OTUD7A: variants seen among roughly 807,000 people sequenced by gnomAD.
OTUD7A encodes OTU deubiquitinase 7A, also known as OTU domain-containing protein 7A.
Under a neutral mutation model 65.7 loss-of-function variants are expected in OTUD7A, and 12 were observed. The observed-to-expected ratio is 0.18, with a 90% CI of 0.12 to 0.30. The LOEUF (loss-of-function observed/expected upper bound fraction) is 0.30. Ranked by LOEUF, OTUD7A falls within the 10% of genes least tolerant of loss-of-function variation. OTUD7A has a pLI of 1.00. For synonymous variants in OTUD7A, 641 were observed against 586.3 expected (o/e 1.09, Z -1.35); for missense variants, 1,148 against 1,304.8 (o/e 0.88, Z 1.85).
At chr15:31,634,406 C>T (rs1891275021) in intron 3 of OTUD7A, among the ~76,000 whole-genome samples, 1 of 152,212 alleles carries the variant, frequency 6.6e-6, no homozygotes. Flanking sequence ...CGTTTCTCTA[C>T]ACACACTCTT....
chr15:31,696,714 G>C (rs1346190626), intron 1 of OTUD7A, among the ~76,000 whole-genome samples: 1 of 152,112 alleles, frequency 6.6e-6, no homozygotes, highest in Non-Finnish European at 1.5e-5. Context: ...GGGACTCAGA[G>C]GGAGTTAGGG....
At chr15:31,828,796 C>T (rs1166293772) in intron 1 of OTUD7A, among the ~76,000 whole-genome samples, 1 of 152,170 alleles carries the variant, frequency 6.6e-6, no homozygotes, top group Non-Finnish European at 1.5e-5. Context: ...TGTCCCTGTC[C>T]TCTGGGCAGG....
chr15:31,831,907 A>G (rs1319417133), intron 1 of OTUD7A, among the ~76,000 whole-genome samples: 4 of 152,242 alleles, frequency 2.6e-5, no homozygotes, highest in Non-Finnish European at 5.9e-5. Context: ...GTGAAGTTCT[A>G]GAATAGGCAA....
chr15:31,715,713 C>T (rs2141342592), intron 1 of OTUD7A, among the ~76,000 whole-genome samples: 1 of 117,790 alleles, frequency 8.5e-6, no homozygotes, highest in East Asian at 2.6e-4. Flanking sequence ...GCTGCAGCCA[C>T]TCAGTGAAAA....
At chr15:31,583,888 C>T (rs150820319) in intron 3 of OTUD7A, among the ~76,000 whole-genome samples, 1 of 152,162 alleles carries the variant, frequency 6.6e-6, no homozygotes, top group East Asian at 1.9e-4. Context: ...GTTGTGTAAA[C>T]CTCTAGTTCC....
intron 1 of OTUD7A, among the ~76,000 whole-genome samples, chr15:31,836,540 A>G (rs1897058943): frequency 6.6e-6 from 1 of 152,222 alleles, no homozygotes; most frequent in African/African-American, 2.4e-5. Flanking sequence ...GATACCAAAG[A>G]GAGTACAGAA....
chr15:31,738,990 T>TGGGGAA (rs1045346771), intron 1 of OTUD7A, among the ~76,000 whole-genome samples: 10 of 152,182 alleles, frequency 6.6e-5, no homozygotes, highest in Non-Finnish European at 1.2e-4. Context: ...CTGGACCTGC[T>TGGGGAA]GGGGAAGGGG....
At chr15:31,511,073 GTATATC>G (rs1291978746) in intron 8 of OTUD7A, among the ~76,000 whole-genome samples, 2 of 68,908 alleles carry the variant, frequency 2.9e-5, no homozygotes, top group East Asian at 5.0e-4. Context: ...ACATATATAT[GTATATC>G]TATATGTAAC....
Position 31,860,622 on chromosome 15 carries a change from G to GATAAATATACATAT in OTUD7A, c.-100+9884_-100+9885insATATGTATATTTAT, listed in dbSNP as rs59869625. 5.1e-3 allele frequency among the ~76,000 whole-genome samples: 137 copies of GATAAATATACATAT among 26,858 alleles called. 18 individuals are homozygous for GATAAATATACATAT. The East Asian group carries it at 0.06, about 12-fold the overall frequency. 17.6% of individuals were successfully genotyped at this position (26,858 alleles called of 152,430 possible). A position where few individuals can be genotyped will look rare whatever the true frequency, so the allele number is the denominator to read the frequency against. On this transcript the variant is annotated intron_variant, in intron 1 of 12. Transcript: ENST00000307050. ...TATTCTCCTCGACCCCAGAAGTGGA[G>GATAAATATACATAT]ATATATATATATATATATATATGTA...
intron 1 of OTUD7A, chr15:31,767,478 A>T (rs1300147163): frequency 5.7e-5 from 44 of 772,502 alleles, no homozygotes; most frequent in Non-Finnish European, 9.7e-5. Context: ...GGCAGATAAT[A>T]CCCAGTGAGG....
At chr15:31,554,694 C>T (rs1273903737) in intron 5 of OTUD7A, among the ~76,000 whole-genome samples, 1 of 152,192 alleles carries the variant, frequency 6.6e-6, no homozygotes, top group African/African-American at 2.4e-5. Context: ...AAGAACCACA[C>T]CATCTCACCC....
chr15:31,786,479 C>CAGGGTGTGTGCCTGGACAGGGTG (rs1895677536), intron 1 of OTUD7A, among the ~76,000 whole-genome samples: 1 of 152,120 alleles, frequency 6.6e-6, no homozygotes, highest in Non-Finnish European at 1.5e-5. Context: ...GTGTGTGAGA[C>CAGGGTGTGTGCCTGGACAGGGTG]AGGGTGTGTG....
rs190605411 is a variant in OTUD7A at position 31,767,573 on chromosome 15, G to C, written c.-100+102934C>G. 1.2e-5 allele frequency: 10 copies of C among 809,016 alleles called. No homozygotes were observed. In the East Asian group the frequency reaches 2.4e-4, roughly 20 times the overall value. The allele number at this position is 809,016 out of a possible 1,614,324, so 50.1% of individuals were successfully genotyped here. ...TATATATTGGGGAATTACTTGTTTT[G>C]GATTTATGACTTCTTCTAGGGATGG... is the stretch of plus-strand genomic sequence containing the variant. On this transcript the variant is annotated intron_variant, in intron 1 of 12. Transcript: ENST00000307050.
intron 5 of OTUD7A, among the ~76,000 whole-genome samples, chr15:31,546,511 C>A (rs1484480657): frequency 6.6e-6 from 1 of 152,196 alleles, no homozygotes; most frequent in Non-Finnish European, 1.5e-5. Context: ...CACCCCAAGG[C>A]ATGCACTGAA....
At chr15:31,858,739 A>G (rs1567058828) in intron 1 of OTUD7A, among the ~76,000 whole-genome samples, 3 of 152,178 alleles carry the variant, frequency 2.0e-5, no homozygotes, top group Non-Finnish European at 4.4e-5. Flanking sequence ...CAGCCCCACC[A>G]TTCACTGGGC....
At chr15:31,735,799 T>C (rs530051140) in intron 1 of OTUD7A, among the ~76,000 whole-genome samples, 3 of 152,226 alleles carry the variant, frequency 2.0e-5, no homozygotes, top group African/African-American at 7.2e-5. Flanking sequence ...AGCAAAGACA[T>C]GGAATCAACC....
At chr15:31,609,251 C>T (rs542069543) in intron 3 of OTUD7A, among the ~76,000 whole-genome samples, 8 of 152,326 alleles carry the variant, frequency 5.3e-5, no homozygotes, top group South Asian at 2.1e-4. Flanking sequence ...GCGAATCTGA[C>T]GTGTAGCCTC....
chr15:31,746,495 T>C (rs1210219976), intron 1 of OTUD7A, among the ~76,000 whole-genome samples: 1 of 139,686 alleles, frequency 7.2e-6, no homozygotes, highest in Non-Finnish European at 1.5e-5. Context: ...AACTCCATAG[T>C]AGTTTTTACA....
intron 3 of OTUD7A, among the ~76,000 whole-genome samples, chr15:31,633,131 C>T (rs374738566): frequency 2.6e-3 from 395 of 152,318 alleles, no homozygotes; most frequent in South Asian, 9.3e-3. Context: ...ACCCACTGTC[C>T]TGCACCCACT....
Sources: gnomAD v4.1 joint callset for allele counts (sites outside exome capture counted in the v4.1 genomes callset) on GRCh38, gnomAD v4.1.1 for gene constraint, MANE v1.5 for transcripts, NCBI Gene and HGNC (gene_info 2026-07-23, HGNC 2026-07-21) for gene names.